Variants in WDR31 observed in about 807,000 individuals in gnomAD.
WDR31 encodes WD repeat-containing protein 31.
WDR31 carries 30 observed loss-of-function variants against 47.3 expected under a neutral mutation model. The observed-to-expected ratio is 0.63, with a 90% CI of 0.47 to 0.86. The LOEUF is 0.86. Among genes scored for constraint, WDR31 ranks in the 40% least tolerant of loss-of-function variants. The probability of loss-of-function intolerance (pLI) is 0.00; values close to 1 mark genes in which losing one functional copy is unlikely to be tolerated. For synonymous variants in WDR31, 137 were observed against 159.4 expected (o/e 0.86, Z 1.06); for missense variants, 406 against 442.9 (o/e 0.92, Z 0.75).
At position 113,331,082 on chromosome 9, in the gene WDR31, T is replaced by C; in HGVS notation, c.151A>G (p.Thr51Ala). 6.2e-7 allele frequency: 1 copy of C among 1,605,510 alleles called. No individual in the cohort carries two copies. The highest frequency in any genetic ancestry group is 8.5e-7 in the Non-Finnish European group (1 of 1,174,130). The change falls in exon 4 of 11, where the codon ACT becomes GCT. Residue 51 changes from threonine to alanine, a missense_variant. Coordinates refer to ENST00000374193, the MANE Select transcript of WDR31 (RefSeq NM_001012361.4). The stretch of plus-strand genomic sequence containing the variant: ...GGGCTATACTCTTGAAAAGCTTTAG[T>C]TTGAATTCTCTCTTCTATAATTTCA... ...PDEIIEERIQTKAFQEYSPAH... is the reference protein window; with the variant it reads ...PDEIIEERIQAKAFQEYSPAH...
At chr9:113,328,452 GCTAT>G (rs1486643650) in intron 5 of WDR31, among the ~76,000 whole-genome samples, 4 of 152,174 alleles carry the variant, frequency 2.6e-5, no homozygotes, top group East Asian at 1.9e-4. Context: ...GGTCTGTAAT[GCTAT>G]CTAACAAATA....
intron 2 of WDR31, among the ~76,000 whole-genome samples, chr9:113,333,370 A>ATTTTTTTTTTTTTT: frequency 9.7e-6 from 1 of 102,932 alleles, no homozygotes; most frequent in Non-Finnish European, 2.1e-5. Flanking sequence ...TGGTTGTTGG[A>ATTTTTTTTTTTTTT]TTTTTTTTTT....
chr9:113,335,725 G>A (rs997321543), intron 2 of WDR31, among the ~76,000 whole-genome samples: 1 of 152,122 alleles, frequency 6.6e-6, no homozygotes, highest in African/African-American at 2.4e-5. Flanking sequence ...GCATCAAGAG[G>A]CCTAGGATCT....
chr9:113,327,099 G>A (rs1006516345), intron 5 of WDR31, among the ~76,000 whole-genome samples: 3 of 152,188 alleles, frequency 2.0e-5, no homozygotes, highest in African/African-American at 7.2e-5. Flanking sequence ...CCTTGCCAAA[G>A]TGCCAGCATT....
At chr9:113,318,692 A>G in intron 9 of WDR31, 55 bp from the exon 10 acceptor site, 1 of 1,586,714 alleles carries the variant, frequency 6.3e-7, no homozygotes, top group Non-Finnish European at 8.6e-7. Context: ...TTCATCCATG[A>G]ATATCTATCT....
At chr9:113,325,691 T>C (rs1024513137) in intron 5 of WDR31, among the ~76,000 whole-genome samples, 1 of 151,832 alleles carries the variant, frequency 6.6e-6, no homozygotes, top group Non-Finnish European at 1.5e-5. Flanking sequence ...CTTGGATTTT[T>C]ATCTAGTCTA....
At chr9:113,334,131 G>A (rs1833664373) in intron 2 of WDR31, among the ~76,000 whole-genome samples, 1 of 151,898 alleles carries the variant, frequency 6.6e-6, no homozygotes, top group African/African-American at 2.4e-5. Flanking sequence ...AGCCTCCCAG[G>A]GAGCTGGGAC....
chr9:113,334,070 G>A (rs1357560545), intron 2 of WDR31, among the ~76,000 whole-genome samples: 1 of 151,414 alleles, frequency 6.6e-6, no homozygotes, highest in East Asian at 1.9e-4. Context: ...GTGCAGTGGT[G>A]TGATCTCACT....
intron 5 of WDR31, among the ~76,000 whole-genome samples, chr9:113,328,442 G>A (rs2118826811): frequency 6.6e-6 from 1 of 152,260 alleles, no homozygotes; most frequent in Admixed American, 6.5e-5. Context: ...AGCTCACTCT[G>A]GTCTGTAATG....
At position 113,322,820 on chromosome 9, in the gene WDR31, G is replaced by A; in HGVS notation, c.561C>T (p.Ser187=). The A allele has an allele frequency of 6.2e-7, 1 of 1,614,070 alleles. No homozygotes were observed. Among genetic ancestry groups the A allele is most frequent in the Non-Finnish European group, 8.5e-7 (1 of 1,179,992 alleles). ...TGQSVERASV[S]RNVVTHLCWV... is the part of the protein sequence containing the mutation. ...AAGTTTGAGTTCATACCACGTTCCTGGAGACAGATGCTCTTTCCACACTCT... is the reference window on the plus strand; with the variant it reads ...AAGTTTGAGTTCATACCACGTTCCTAGAGACAGATGCTCTTTCCACACTCT... Residue 187 remains serine (S), a synonymous_variant, in exon 7 of 11, where the codon TCC becomes TCT. Coordinates refer to ENST00000374193, the MANE Select transcript of WDR31 (RefSeq NM_001012361.4).
At chr9:113,338,721 C>T (rs1471729522) in intron 1 of WDR31, among the ~76,000 whole-genome samples, 1 of 151,748 alleles carries the variant, frequency 6.6e-6, no homozygotes, top group African/African-American at 2.4e-5. Flanking sequence ...CAGGTTCAAG[C>T]GATTCTCCAG....
intron 1 of WDR31, among the ~76,000 whole-genome samples, chr9:113,338,840 A>G (rs1833770439): frequency 6.6e-6 from 1 of 151,906 alleles, no homozygotes. Context: ...CTGGTCTCGA[A>G]CTCCCGATCT....
Position 113,317,740 on chromosome 9 carries a change from T to G in WDR31, c.943+735A>C, listed in dbSNP as rs1332438353. Among the ~76,000 whole-genome samples, 3 of 152,240 alleles carry G rather than the reference T, an allele frequency of 2.0e-5. No individual in the cohort carries two copies. In the East Asian group the frequency reaches 5.8e-4, roughly 29 times the overall value. On this transcript the variant is annotated intron_variant, in intron 10 of 10. Coordinates refer to ENST00000374193, the MANE Select transcript of WDR31 (RefSeq NM_001012361.4). ...TAAAGTTCTTTAAGGCAATGCTGTT[T>G]CTGTCTGTGGCAGAACCCTGTGTCC...
Position 113,330,902 on chromosome 9 carries a change from A to C in WDR31, c.249+82T>G, listed in dbSNP as rs531454689. On this transcript the variant is annotated intron_variant, in intron 4 of 10. Transcript: ENST00000374193. ...TACACTTGTCAACCCTGCTCCAGAA[A>C]TGCAAATCCTAGACTTCCTTTCAAA... The C allele has an allele frequency of 1.2e-5, 17 of 1,452,008 alleles. No homozygotes were observed. The South Asian group carries it at 2.4e-4, about 20-fold the overall frequency. 89.9% of individuals were successfully genotyped at this position (1,452,008 alleles called of 1,614,324 possible).
In WDR31 at chr9:113,322,898, C is replaced by CA. The variant is rs1002329576; in HGVS notation, c.482dup (p.Cys162ValfsTer47). 1.4e-5 allele frequency: 22 copies of CA among 1,614,046 alleles called. No individual in the cohort carries two copies. ...GGGTGTTGTCCCGAGAGCCAGTGCA[C>CA]AGCTGTGATGAGTCTTTGGAAACAA... On this transcript the variant is annotated frameshift_variant, in exon 7 of 11. Coordinates refer to ENST00000374193, the MANE Select transcript of WDR31 (RefSeq NM_001012361.4). LOFTEE classifies it high-confidence loss of function.
chr9:113,331,666 C>T lies in WDR31; in HGVS notation c.116+241G>A, dbSNP rs143429864. Among the ~76,000 whole-genome samples, 914 of 152,300 alleles carry T rather than the reference C, an allele frequency of 6.0e-3. 10 individuals are homozygous for T. Among genetic ancestry groups the T allele is most frequent in the African/African-American group, 0.021 (862 of 41,562 alleles). On this transcript the variant is annotated intron_variant, in intron 3 of 10. Transcript: ENST00000374193. ...TTCGCCATGTTGCCAAGGCTGGTCT[C>T]AAACTACTGAGCTCAAGCAATCTGT...
In WDR31 at chr9:113,333,468, G is replaced by C. The variant is rs182323963; in HGVS notation, c.-28-1418C>G. On this transcript the variant is annotated intron_variant, in intron 2 of 10. Coordinates refer to ENST00000374193, the MANE Select transcript of WDR31 (RefSeq NM_001012361.4). ...GCAATCTCGGCTCACTGCAAGCTCC[G>C]CCTCCCAGGTTCACGCCATTCTCCT... 6.3e-4 allele frequency among the ~76,000 whole-genome samples: 89 copies of C among 142,074 alleles called. 1 individual carries two copies. In the East Asian group the frequency reaches 0.017, roughly 27 times the overall value. 93.2% of individuals were successfully genotyped at this position (142,074 alleles called of 152,430 possible).
At chr9:113,338,865 A>G (rs140061250) in intron 1 of WDR31, among the ~76,000 whole-genome samples, 4,463 of 152,188 alleles carry the variant, frequency 0.029, 227 homozygotes, top group African/African-American at 0.1. Flanking sequence ...TGATCCGCCC[A>G]CCTTGGCCTC....
intron 5 of WDR31, among the ~76,000 whole-genome samples, chr9:113,324,865 T>TGC (rs1833424428): frequency 7.2e-6 from 1 of 138,124 alleles, no homozygotes; most frequent in South Asian, 2.4e-4. Flanking sequence ...TGTGTGTGTG[T>TGC]GTGTGTGTAC....
Sources: allele counts gnomAD v4.1 joint callset (sites outside exome capture counted in the v4.1 genomes callset), GRCh38; gene constraint gnomAD v4.1.1; transcripts MANE v1.5; gene names NCBI Gene and HGNC (gene_info 2026-07-23, HGNC 2026-07-21).